CEP112: variants seen among roughly 807,000 people sequenced by gnomAD.
The protein encoded by CEP112 is centrosomal protein of 112 kDa.
CEP112 carries 127 observed loss-of-function variants against 153.0 expected under a neutral mutation model. The ratio of observed to expected loss-of-function variants is 0.83; its 90% CI spans 0.72 to 0.96. The LOEUF is 0.96. Among genes scored for constraint, CEP112 ranks in the 40% least tolerant of loss-of-function variants. CEP112 has a pLI of 0.00. For synonymous variants in CEP112, 358 were observed against 374.4 expected (o/e 0.96, Z 0.51); for missense variants, 1,089 against 1,101.2 (o/e 0.99, Z 0.16).
At chr17:65,967,832 G>A (rs553160575) in intron 17 of CEP112, among the ~76,000 whole-genome samples, 1 of 151,888 alleles carries the variant, frequency 6.6e-6, no homozygotes, top group Non-Finnish European at 1.5e-5. Context: ...ACAAAAGCAA[G>A]TAATACTTCT....
intron 23 of CEP112, among the ~76,000 whole-genome samples, chr17:65,695,654 G>T (rs950194026): frequency 6.6e-6 from 1 of 152,146 alleles, no homozygotes; most frequent in African/African-American, 2.4e-5. Flanking sequence ...TTTATTGGAA[G>T]AGAGAAATAC....
At chr17:65,958,146 T>C (rs559646239) in intron 18 of CEP112, among the ~76,000 whole-genome samples, 13 of 152,326 alleles carry the variant, frequency 8.5e-5, no homozygotes, top group African/African-American at 3.1e-4. Flanking sequence ...TTTCATATGA[T>C]GGTTTCCTTA....
At chr17:66,169,348 A>G (rs1204797281) in intron 4 of CEP112, among the ~76,000 whole-genome samples, 1 of 148,996 alleles carries the variant, frequency 6.7e-6, no homozygotes, top group Non-Finnish European at 1.5e-5. Context: ...CAGTGGTGCA[A>G]TCTCAGCTCA....
intron 19 of CEP112, among the ~76,000 whole-genome samples, chr17:65,914,807 A>ACT (rs2060414174): frequency 6.6e-6 from 1 of 151,980 alleles, no homozygotes; most frequent in Admixed American, 6.6e-5. Context: ...TCTAGATACC[A>ACT]CTCATTTCTC....
At chr17:65,810,277 C>A (rs571323646) in intron 21 of CEP112, among the ~76,000 whole-genome samples, 1 of 151,992 alleles carries the variant, frequency 6.6e-6, no homozygotes, top group Non-Finnish European at 1.5e-5. Context: ...ATATATACCC[C>A]CCTCCCTATT....
chr17:66,184,737 A>G (rs2072858801), intron 1 of CEP112, among the ~76,000 whole-genome samples: 1 of 151,996 alleles, frequency 6.6e-6, no homozygotes, highest in Non-Finnish European at 1.5e-5. Context: ...CAGAAATCCC[A>G]CTCCCAAGTA....
intron 4 of CEP112, among the ~76,000 whole-genome samples, chr17:66,149,745 C>A (rs1222234740): frequency 6.6e-6 from 1 of 151,562 alleles, no homozygotes; most frequent in African/African-American, 2.4e-5. Flanking sequence ...CTGATCTTTT[C>A]AAAAACCCAA....
At chr17:65,872,087 C>T (rs1043661971) in intron 20 of CEP112, among the ~76,000 whole-genome samples, 27 of 152,052 alleles carry the variant, frequency 1.8e-4, no homozygotes, top group African/African-American at 6.3e-4. Context: ...AGAAAAAATG[C>T]ACTAACTAAA....
intron 17 of CEP112, among the ~76,000 whole-genome samples, chr17:65,969,848 A>T (rs12939770): frequency 0.48 from 72,827 of 151,904 alleles, 18,421 homozygotes; most frequent in East Asian, 0.89. Flanking sequence ...ATCTATATAT[A>T]GCATGCATGC....
intron 21 of CEP112, among the ~76,000 whole-genome samples, chr17:65,791,605 A>C (rs145031181): frequency 1.2e-4 from 19 of 152,198 alleles, no homozygotes; most frequent in Non-Finnish European, 2.8e-4. Context: ...GAGATTATCT[A>C]TTCTAAATAA....
intron 21 of CEP112, among the ~76,000 whole-genome samples, chr17:65,844,993 C>A (rs2057673242): frequency 6.7e-6 from 1 of 148,296 alleles, no homozygotes; most frequent in Admixed American, 6.8e-5. Context: ...AGCCTGGCGA[C>A]AGAACAAGAC....
intron 12 of CEP112, among the ~76,000 whole-genome samples, chr17:66,039,230 T>TGACATAGA (rs2065871185): frequency 6.6e-6 from 1 of 152,144 alleles, no homozygotes; most frequent in Non-Finnish European, 1.5e-5. Flanking sequence ...CTCATGGTCT[T>TGACATAGA]TTCATCGTAC....
intron 24 of CEP112, among the ~76,000 whole-genome samples, chr17:65,668,280 C>T (rs2143992703): frequency 6.6e-6 from 1 of 152,230 alleles, no homozygotes; most frequent in South Asian, 2.1e-4. Flanking sequence ...TTGTTTTTGG[C>T]TTGTAAACAA....
chr17:66,016,780 A>G (rs1402082122), intron 16 of CEP112, among the ~76,000 whole-genome samples: 1 of 152,128 alleles, frequency 6.6e-6, no homozygotes, highest in African/African-American at 2.4e-5. Flanking sequence ...CTGCCACATA[A>G]AAGCACAGTT....
intron 17 of CEP112, among the ~76,000 whole-genome samples, chr17:65,965,023 T>C (rs180899098): frequency 6.6e-6 from 1 of 152,286 alleles, no homozygotes; most frequent in East Asian, 1.9e-4. Context: ...ATAGCTGAAA[T>C]AGCAACTTTG....
chr17:65,648,254 C>T (rs946186903), intron 24 of CEP112, among the ~76,000 whole-genome samples: 8 of 152,158 alleles, frequency 5.3e-5, no homozygotes, highest in Non-Finnish European at 1.0e-4. Flanking sequence ...GGTTACTTCT[C>T]TCTCTACCTT....
chr17:66,140,244 C>A (rs2070633125), intron 4 of CEP112, among the ~76,000 whole-genome samples: 1 of 152,008 alleles, frequency 6.6e-6, no homozygotes, highest in Admixed American at 6.6e-5. Context: ...GATAAAAACT[C>A]AATAAATTCA....
intron 10 of CEP112, among the ~76,000 whole-genome samples, chr17:66,063,796 G>A (rs1299079982): frequency 2.0e-5 from 3 of 152,068 alleles, no homozygotes; most frequent in African/African-American, 7.2e-5. Flanking sequence ...TCATGGTTCT[G>A]GCCATATCTC....
rs2059892053 is a variant in CEP112, at chr17:65,902,165, T to C, written c.2150A>G (p.Lys717Arg). The part of the protein sequence containing the change: ...EHENQIQEFK[K>R]RDAQVIADME... Reference sequence around the variant, plus strand: ...ATTGATAATTACCTGTGCATCTCGTTTCTTGAACTCCTGAATTTGATTTTC... The same window carrying C: ...ATTGATAATTACCTGTGCATCTCGTCTCTTGAACTCCTGAATTTGATTTTC... Residue 717 changes from lysine (K) to arginine (R), a missense_variant, in exon 20 of 27, where the codon AAA becomes AGA. Coordinates refer to ENST00000535342, the MANE Select transcript of CEP112 (RefSeq NM_001199165.4). 6.2e-7 allele frequency: 1 copy of C among 1,613,302 alleles called. No homozygotes were observed. The highest frequency in any genetic ancestry group is 1.7e-5 in the Admixed American group (1 of 59,890).
Sources: gnomAD v4.1 joint callset for allele counts (sites outside exome capture counted in the v4.1 genomes callset) on GRCh38, gnomAD v4.1.1 for gene constraint, MANE v1.5 for transcripts, NCBI Gene and HGNC (gene_info 2026-07-23, HGNC 2026-07-21) for gene names.